Variants in IL1RAPL2 observed in about 807,000 individuals in gnomAD.
The protein encoded by IL1RAPL2 is X-linked interleukin-1 receptor accessory protein-like 2.
Under a neutral mutation model 44.1 loss-of-function variants are expected in IL1RAPL2, and 3 were observed. The ratio of observed to expected loss-of-function variants is 0.07; its 90% CI spans 0.03 to 0.18. IL1RAPL2 has a LOEUF of 0.18. IL1RAPL2 is among the 10% of genes least tolerant of loss of function. The pLI is 1.00. For synonymous variants in IL1RAPL2, 181 were observed against 178.8 expected (o/e 1.01, Z -0.10); for missense variants, 391 against 496.4 (o/e 0.79, Z 2.02).
chrX:104,935,210 A>C (rs1175391472), intron 2 of IL1RAPL2, among the ~76,000 whole-genome samples: 1 of 112,331 alleles, frequency 8.9e-6, no homozygotes, highest in Non-Finnish European at 1.9e-5. Context: ...ACATTATTTT[A>C]CATTCAATTC....
intron 2 of IL1RAPL2, among the ~76,000 whole-genome samples, chrX:105,121,688 G>A (rs943177672): frequency 3.6e-5 from 4 of 110,777 alleles, no homozygotes; most frequent in Non-Finnish European, 5.7e-5. Context: ...AAATTCAAGT[G>A]GTGTTAGAAA....
intron 2 of IL1RAPL2, among the ~76,000 whole-genome samples, chrX:105,000,841 A>C (rs2030838622): frequency 9.0e-6 from 1 of 111,471 alleles, no homozygotes; most frequent in Non-Finnish European, 1.9e-5. Context: ...TATTAAAGAC[A>C]AGAATCTATT....
At chrX:105,160,908 G>T (rs1265363355) in intron 2 of IL1RAPL2, among the ~76,000 whole-genome samples, 1 of 111,586 alleles carries the variant, frequency 9.0e-6, no homozygotes. Context: ...GGTCCATCTG[G>T]ATTGTAATCT....
intron 5 of IL1RAPL2, among the ~76,000 whole-genome samples, chrX:105,366,548 T>C (rs756949628): frequency 1.8e-5 from 2 of 111,514 alleles, no homozygotes; most frequent in East Asian, 5.6e-4. Flanking sequence ...GTTTTCATTT[T>C]CTTTATCTCA....
At chrX:105,670,541 C>T (rs1351718701) in intron 6 of IL1RAPL2, among the ~76,000 whole-genome samples, 1 of 107,227 alleles carries the variant, frequency 9.3e-6, no homozygotes, top group Non-Finnish European at 1.9e-5. Context: ...TCTCGTGATG[C>T]CCCCGCCTCA....
At chrX:104,619,722 A>G (rs1308177084) in intron 1 of IL1RAPL2, among the ~76,000 whole-genome samples, 1 of 112,516 alleles carries the variant, frequency 8.9e-6, no homozygotes, top group Non-Finnish European at 1.9e-5. Flanking sequence ...GCAAATAAGC[A>G]TATATCTATA....
chrX:104,786,691 G>A (rs995336128), intron 2 of IL1RAPL2, among the ~76,000 whole-genome samples: 2 of 111,395 alleles, frequency 1.8e-5, no homozygotes, highest in Non-Finnish European at 3.8e-5. Context: ...CACTATGCTA[G>A]GCATTTTGGA....
chrX:105,441,364 C>T (rs1303196238), intron 5 of IL1RAPL2, among the ~76,000 whole-genome samples: 10 of 111,778 alleles, frequency 8.9e-5, no homozygotes, highest in Admixed American at 4.8e-4. Context: ...CCCATATACC[C>T]ACACAGTCTC....
At chrX:105,721,964 C>T (rs757454294) in intron 7 of IL1RAPL2, among the ~76,000 whole-genome samples, 1 of 112,266 alleles carries the variant, frequency 8.9e-6, no homozygotes, top group African/African-American at 3.2e-5. Context: ...GGCTAAGATA[C>T]AGTCACTCAT....
At position 105,452,902 on chromosome X, in the gene IL1RAPL2, T is replaced by A. The variant is rs145320596; in HGVS notation, c.698-31411T>A. ...TGCCTTTAGCCCTGCAATGGGCATT[T>A]TACTGGCATTTTGAAGATATTTCTT... On this transcript the variant is annotated intron_variant, in intron 5 of 10. Transcript: ENST00000372582. 2.6e-3 allele frequency among the ~76,000 whole-genome samples: 289 copies of A among 112,410 alleles called. 2 individuals are homozygous for A. Among genetic ancestry groups the A allele is most frequent in the African/African-American group, 9.1e-3 (282 of 31,022 alleles).
intron 4 of IL1RAPL2, among the ~76,000 whole-genome samples, chrX:105,242,679 T>C (rs1453483193): frequency 1.8e-5 from 2 of 110,672 alleles, no homozygotes; most frequent in Admixed American, 9.7e-5. Flanking sequence ...TATTGTTTGC[T>C]CAAACCAGGG....
intron 2 of IL1RAPL2, among the ~76,000 whole-genome samples, chrX:104,915,267 A>G (rs1427999310): frequency 1.7e-4 from 19 of 110,544 alleles, no homozygotes; most frequent in South Asian, 1.6e-3. Context: ...TCTAACTGGT[A>G]TGAGATGGTA....
chrX:105,756,627 T>C (rs763096739), intron 10 of IL1RAPL2, among the ~76,000 whole-genome samples: 1 of 112,067 alleles, frequency 8.9e-6, no homozygotes, highest in East Asian at 2.8e-4. Context: ...TATTTACTGG[T>C]TTATTTTTTC....
chrX:105,373,413 A>T (rs1012511244), intron 5 of IL1RAPL2, among the ~76,000 whole-genome samples: 1 of 111,618 alleles, frequency 9.0e-6, no homozygotes, highest in Non-Finnish European at 1.9e-5. Flanking sequence ...GATGCTGGAT[A>T]TTAGCCTTTT....
chrX:105,245,782 A>G (rs1290104366), intron 4 of IL1RAPL2, among the ~76,000 whole-genome samples: 1 of 112,500 alleles, frequency 8.9e-6, no homozygotes, highest in Non-Finnish European at 1.9e-5. Context: ...ATGCAAATAC[A>G]CACTTTGGAG....
chrX:105,031,937 T>A (rs1377153137), intron 2 of IL1RAPL2, among the ~76,000 whole-genome samples: 1 of 111,876 alleles, frequency 8.9e-6, no homozygotes, highest in East Asian at 2.8e-4. Context: ...ATTCAACTTC[T>A]TCCTGGTTTA....
chrX:104,675,087 T>C (rs1219880211), intron 2 of IL1RAPL2, among the ~76,000 whole-genome samples: 1 of 111,571 alleles, frequency 9.0e-6, no homozygotes, highest in African/African-American at 3.3e-5. Context: ...GTTTTTTGTG[T>C]CTCTATTTCC....
chrX:104,866,008 A>C (rs1922604788), intron 2 of IL1RAPL2, among the ~76,000 whole-genome samples: 1 of 112,468 alleles, frequency 8.9e-6, no homozygotes, highest in African/African-American at 3.2e-5. Context: ...AGTAATATAC[A>C]TGTACTGGCA....
chrX:104,859,705 T>C (rs944127854), intron 2 of IL1RAPL2, among the ~76,000 whole-genome samples: 1 of 112,326 alleles, frequency 8.9e-6, no homozygotes. Context: ...GGTATAAATG[T>C]AGCCACCTTT....
Sources: gnomAD v4.1 joint callset for allele counts (sites outside exome capture counted in the v4.1 genomes callset) on GRCh38, gnomAD v4.1.1 for gene constraint, MANE v1.5 for transcripts, NCBI Gene and HGNC (gene_info 2026-07-23, HGNC 2026-07-21) for gene names.